Variants in LINGO1 observed in about 807,000 individuals in gnomAD.
The protein encoded by LINGO1 is leucine-rich repeat and immunoglobulin-like domain-containing nogo receptor-interacting protein 1.
In LINGO1, 11 loss-of-function variants were observed where a neutral mutation model predicts 37.3. The observed-to-expected ratio is 0.29, with a 90% CI of 0.19 to 0.49. The LOEUF (loss-of-function observed/expected upper bound fraction) is 0.49. LINGO1 is among the 20% of genes least tolerant of loss of function. The pLI is 0.99. For synonymous variants in LINGO1, 387 were observed against 403.0 expected, an observed-to-expected ratio of 0.96 and a Z score of 0.48; for missense variants, 585 against 878.2, an observed-to-expected ratio of 0.67 and a Z score of 4.22.
intron 1 of LINGO1, among the ~76,000 whole-genome samples, chr15:77,799,766 G>A (rs2076902382): frequency 6.6e-6 from 1 of 152,138 alleles, no homozygotes; most frequent in Non-Finnish European, 1.5e-5. Context: ...CAGCATGCAA[G>A]CTCTCCCCTG....
At chr15:77,719,766 ACT>A (rs1261639082) in intron 2 of LINGO1, among the ~76,000 whole-genome samples, 2 of 141,562 alleles carry the variant, frequency 1.4e-5, no homozygotes, top group African/African-American at 5.0e-5. Context: ...ACATTCACAC[ACT>A]CACACATACA....
At chr15:77,738,270 G>A (rs1045007002) in intron 1 of LINGO1, among the ~76,000 whole-genome samples, 2 of 152,214 alleles carry the variant, frequency 1.3e-5, no homozygotes, top group East Asian at 1.9e-4. Flanking sequence ...AGAGCAGCAC[G>A]ATGACGGAGA....
At chr15:77,683,142 C>G (rs1000288532) in intron 2 of LINGO1, among the ~76,000 whole-genome samples, 1 of 152,200 alleles carries the variant, frequency 6.6e-6, no homozygotes, top group Non-Finnish European at 1.5e-5. Context: ...TGCTCAGCCT[C>G]GCTGGGGAGA....
rs1287699778 is a variant in LINGO1, at chr15:77,614,102, G to A, written c.1805C>T (p.Ser602Leu). Residue 602 changes from serine (S) to leucine (L), a missense_variant, in exon 2 of 2, where the codon TCG (serine) becomes TTG (leucine). Ser to Leu is a moderately radical substitution (Grantham distance 145). Coordinates refer to ENST00000355300, the MANE Select transcript of LINGO1 (RefSeq NM_032808.7). ...NIEIEYVPRK[S>L]DAGISSADAP... ...GTCGGCGGAGCTGATGCCTGCGTCC[G>A]ACTTTCGGGGCACATACTCGATCTC... is the stretch of plus-strand genomic sequence containing the variant. The A allele has an allele frequency of 1.2e-6, 2 of 1,613,680 alleles. No individual in the cohort carries two copies. The highest frequency in any genetic ancestry group is 1.7e-6 in the Non-Finnish European group (2 of 1,179,804).
At chr15:77,782,129 G>C (rs2076724161) in intron 1 of LINGO1, among the ~76,000 whole-genome samples, 1 of 152,166 alleles carries the variant, frequency 6.6e-6, no homozygotes. Context: ...AGAACAGAAG[G>C]AACATTTGGT....
chr15:77,744,273 C>T (rs1322827705), intron 1 of LINGO1, among the ~76,000 whole-genome samples: 3 of 152,212 alleles, frequency 2.0e-5, no homozygotes, highest in Non-Finnish European at 4.4e-5. Context: ...GTGGCTCATG[C>T]CTGTAATACT....
In LINGO1 at chr15:77,658,615, A is replaced by G. The variant is rs892271786; in HGVS notation, c.-13+18474T>C. On this transcript the variant is annotated intron_variant, in intron 3 of 3. Transcript: ENST00000559893. ...AGAAAAGAAAGCAGGCAGGCCTGGCAGTAGGGACTGGAAAGAAATGAGGGT... is the reference window on the plus strand; with the variant it reads ...AGAAAAGAAAGCAGGCAGGCCTGGCGGTAGGGACTGGAAAGAAATGAGGGT... 7.9e-5 allele frequency among the ~76,000 whole-genome samples: 12 copies of G among 152,386 alleles called. No individual in the cohort carries two copies. The South Asian group carries it at 2.3e-3, about 29-fold the overall frequency.
intron 1 of LINGO1, among the ~76,000 whole-genome samples, chr15:77,802,928 C>A (rs1050340171): frequency 6.6e-6 from 1 of 152,176 alleles, no homozygotes; most frequent in Non-Finnish European, 1.5e-5. Flanking sequence ...GGGCCCATCC[C>A]CAAGTGGCCT....
chr15:77,817,088 G>A (rs1199453688), intron 1 of LINGO1, among the ~76,000 whole-genome samples: 2 of 152,222 alleles, frequency 1.3e-5, no homozygotes, highest in Non-Finnish European at 2.9e-5. Context: ...GGGGAAGCCA[G>A]CAAAGGCTGA....
chr15:77,633,034 G>A (rs2074314514), upstream of LINGO1, among the ~76,000 whole-genome samples: 1 of 150,866 alleles, frequency 6.6e-6, no homozygotes, highest in Non-Finnish European at 1.5e-5. Flanking sequence ...GGGGTGGGGG[G>A]TGGTTCGTCT....
intron 3 of LINGO1, among the ~76,000 whole-genome samples, chr15:77,645,896 C>T (rs2074615216): frequency 6.6e-6 from 1 of 152,216 alleles, no homozygotes; most frequent in African/African-American, 2.4e-5. Flanking sequence ...GCCAAGTGCC[C>T]TTAGACACCT....
intron 1 of LINGO1, among the ~76,000 whole-genome samples, chr15:77,693,921 C>T (rs1178325029): frequency 6.6e-6 from 1 of 152,126 alleles, no homozygotes; most frequent in Non-Finnish European, 1.5e-5. Context: ...ACTTCCGGTC[C>T]CTAATGAACA....
At chr15:77,798,171 G>T (rs777115308) in intron 1 of LINGO1, among the ~76,000 whole-genome samples, 1 of 152,224 alleles carries the variant, frequency 6.6e-6, no homozygotes, top group Non-Finnish European at 1.5e-5. Flanking sequence ...ACAGAACATA[G>T]TGGTGCCAGC....
At chr15:77,755,910 C>A (rs1000765710) in intron 1 of LINGO1, among the ~76,000 whole-genome samples, 3 of 152,216 alleles carry the variant, frequency 2.0e-5, no homozygotes, top group African/African-American at 4.8e-5. Context: ...AAAGGCTGAT[C>A]CAGCCCAATG....
At chr15:77,782,383 G>A (rs1182532958) in intron 1 of LINGO1, among the ~76,000 whole-genome samples, 1 of 152,152 alleles carries the variant, frequency 6.6e-6, no homozygotes, top group Non-Finnish European at 1.5e-5. Flanking sequence ...AGAAGGCCAC[G>A]TGCAGTCTAA....
At chr15:77,732,938 T>C (rs1229463700) in intron 2 of LINGO1, among the ~76,000 whole-genome samples, 2 of 152,228 alleles carry the variant, frequency 1.3e-5, no homozygotes, top group Non-Finnish European at 2.9e-5. Flanking sequence ...TGTTGACTGA[T>C]AGCCCTCCCC....
chr15:77,786,531 C>A (rs2076772633), intron 1 of LINGO1, among the ~76,000 whole-genome samples: 1 of 152,226 alleles, frequency 6.6e-6, no homozygotes, highest in Non-Finnish European at 1.5e-5. Flanking sequence ...TCCTACAGTT[C>A]TGGATATTTA....
In LINGO1 at chr15:77,662,680, A is replaced by C. The variant is rs61325734; in HGVS notation, c.-13+14409T>G. On this transcript the variant is annotated intron_variant, in intron 3 of 3. Coordinates refer to the LINGO1 transcript ENST00000559893. ...CCTGCCTCTCTGTGACCTAAAAATCAATCCTTTTAGCCCCTTCTGAAGCCA... is the reference window on the plus strand; with the variant it reads ...CCTGCCTCTCTGTGACCTAAAAATCCATCCTTTTAGCCCCTTCTGAAGCCA... Among the ~76,000 whole-genome samples the C allele has an allele frequency of 5.1e-3, 782 of 152,222 alleles. 7 individuals are homozygous for C. The highest frequency in any genetic ancestry group is 0.018 in the African/African-American group (746 of 41,532).
At chr15:77,700,469 G>A (rs931012713), upstream of LINGO1, among the ~76,000 whole-genome samples, 6 of 152,034 alleles carry the variant, frequency 3.9e-5, no homozygotes, top group Admixed American at 2.0e-4. Context: ...AAAGCGTTTC[G>A]GGCACATACC....
Sources: gnomAD v4.1 joint callset for allele counts (sites outside exome capture counted in the v4.1 genomes callset) on GRCh38, gnomAD v4.1.1 for gene constraint, MANE v1.5 for transcripts, NCBI Gene and HGNC (gene_info 2026-07-23, HGNC 2026-07-21) for gene names.